Variants in AGO4 observed in about 807,000 individuals in gnomAD.
The protein encoded by AGO4 is protein argonaute-4.
AGO4 carries 33 observed loss-of-function variants against 104.7 expected under a neutral mutation model. The observed-to-expected ratio is 0.32, with a 90% CI of 0.24 to 0.42. The LOEUF is 0.42. AGO4 is among the 10% of genes least tolerant of loss of function. AGO4 has a pLI of 1.00. For synonymous variants in AGO4, 331 were observed against 364.7 expected (o/e 0.91, Z 1.05); for missense variants, 711 against 1,083.4 (o/e 0.66, Z 4.83).
chr1:35,825,213 A>T (rs1643986874), intron 3 of AGO4, 100 bp from the exon 4 acceptor site: 1 of 1,280,664 alleles, frequency 7.8e-7, no homozygotes, highest in South Asian at 1.5e-5. Flanking sequence ...AAAAAGTTAA[A>T]AGAAATATCC....
intron 15 of AGO4, among the ~76,000 whole-genome samples, chr1:35,842,764 T>G (rs1201900719): frequency 6.6e-6 from 1 of 151,956 alleles, no homozygotes; most frequent in Non-Finnish European, 1.5e-5. Flanking sequence ...ATCATACCAC[T>G]GCACTCCAGC....
At chr1:35,822,731 C>A in intron 2 of AGO4, 131 bp from the exon 3 acceptor site, 1 of 1,133,720 alleles carries the variant, frequency 8.8e-7, no homozygotes, top group Non-Finnish European at 1.2e-6. Flanking sequence ...GTACTCGAAT[C>A]AATTGTAACC....
rs909973770 is a variant in AGO4 at position 35,856,482 on chromosome 1, T to G, written c.*2877T>G. 6.6e-6 allele frequency: 1 copy of G among 152,180 alleles called. No homozygotes were observed. The highest frequency in any genetic ancestry group is 1.5e-5 in the Non-Finnish European group (1 of 68,062). The allele number at this position is 152,180 out of a possible 1,614,324, so 9.4% of individuals were successfully genotyped here. On this transcript the variant is annotated 3_prime_UTR_variant, in exon 18 of 18. Coordinates refer to ENST00000373210, the MANE Select transcript of AGO4 (RefSeq NM_017629.4). ...TGCAGCCTGTTGAGGCACTGTCATG[T>G]GGTGTGAAAGATTTAAATGTAGCAA... is the stretch of plus-strand genomic sequence containing the variant.
Position 35,841,503 on chromosome 1 carries a change from C to T in AGO4, c.2040+23C>T. On this transcript the variant is annotated intron_variant, in intron 14 of 17. Coordinates refer to ENST00000373210, the MANE Select transcript of AGO4 (RefSeq NM_017629.4). This position sits in a 1 kb window ranked among gnomAD's most constrained non-coding sequence, Gnocchi z 4.7. ...CAGGTACTCTCATTATCCCTGTTGCCCTTCGGGGCCCCTAGGAGTCTGAGG... is the reference window on the plus strand; with the variant it reads ...CAGGTACTCTCATTATCCCTGTTGCTCTTCGGGGCCCCTAGGAGTCTGAGG... 1.2e-6 allele frequency: 2 copies of T among 1,609,050 alleles called. No homozygotes were observed. The highest frequency in any genetic ancestry group is 1.1e-5 in the South Asian group (1 of 90,858).
At chr1:35,830,574 T>A (rs116218530) in intron 7 of AGO4, among the ~76,000 whole-genome samples, 1,572 of 152,330 alleles carry the variant, frequency 0.01, 22 homozygotes, top group African/African-American at 0.036. Context: ...AATTTTAATT[T>A]AAAAAAATTT....
At chr1:35,831,973 G>T in intron 9 of AGO4, 42 bp downstream of exon 9, 2 of 1,605,530 alleles carry the variant, frequency 1.2e-6, no homozygotes, top group South Asian at 1.1e-5. Context: ...GCTTTGAGAT[G>T]ACAAAAAACA....
chr1:35,843,789 T>C (rs1243462634), intron 15 of AGO4, among the ~76,000 whole-genome samples: 1 of 152,234 alleles, frequency 6.6e-6, no homozygotes, highest in African/African-American at 2.4e-5. Flanking sequence ...TGTCAACTTG[T>C]TATCCATGTA....
At chr1:35,820,905 C>A (rs2148656828) in intron 2 of AGO4, among the ~76,000 whole-genome samples, 1 of 152,172 alleles carries the variant, frequency 6.6e-6, no homozygotes, top group South Asian at 2.1e-4. Flanking sequence ...ATTAAGACAA[C>A]CACTTTTCAA....
At position 35,838,174 on chromosome 1, in the gene AGO4, T is replaced by C. The variant is rs368866509; in HGVS notation, c.1724+2181T>C. ...TTCAAGCGATTCTCCTGCCTCAGCC[T>C]CCCGAGTAGCTGGAATTACAGGCTC... On this transcript the variant is annotated intron_variant, in intron 13 of 17. Transcript: ENST00000373210. Among the ~76,000 whole-genome samples, 20 of 152,256 alleles carry C rather than the reference T, an allele frequency of 1.3e-4. No individual in the cohort carries two copies. In the East Asian group the frequency reaches 1.5e-3, roughly 12 times the overall value.
At chr1:35,831,607 T>C (rs1176671359) in intron 8 of AGO4, 33 bp downstream of exon 8, 2 of 1,605,218 alleles carry the variant, frequency 1.2e-6, no homozygotes, top group Non-Finnish European at 1.7e-6. Flanking sequence ...AATTTGCTGA[T>C]CTCTTGAATG....
rs544060520 is a variant in AGO4 at position 35,844,336 on chromosome 1, A to G, written c.2175+2586A>G. 7.2e-5 allele frequency among the ~76,000 whole-genome samples: 11 copies of G among 152,192 alleles called. No homozygotes were observed. In the South Asian group the frequency reaches 2.3e-3, roughly 32 times the overall value. On this transcript the variant is annotated intron_variant, in intron 15 of 17. Coordinates refer to ENST00000373210, the MANE Select transcript of AGO4 (RefSeq NM_017629.4). Reference sequence around the variant, plus strand: ...TAGGATTACAGGCGTGAGCCACCACACCTGTCCAAAAGTGTCTGTTTAATA... The same window carrying G: ...TAGGATTACAGGCGTGAGCCACCACGCCTGTCCAAAAGTGTCTGTTTAATA...
At chr1:35,811,664 C>T (rs376362898) in intron 1 of AGO4, among the ~76,000 whole-genome samples, 1 of 151,878 alleles carries the variant, frequency 6.6e-6, no homozygotes, top group Non-Finnish European at 1.5e-5. Flanking sequence ...AGTGCAGTGG[C>T]GCCATCTCGG....
chr1:35,837,525 T>C (rs1644342550), intron 13 of AGO4, among the ~76,000 whole-genome samples: 1 of 151,678 alleles, frequency 6.6e-6, no homozygotes, highest in African/African-American at 2.4e-5. Context: ...GACTACAGGC[T>C]CATACCACCA....
At chr1:35,821,734 C>T (rs1643889843) in intron 2 of AGO4, among the ~76,000 whole-genome samples, 2 of 152,126 alleles carry the variant, frequency 1.3e-5, no homozygotes, top group Admixed American at 1.3e-4. Context: ...ATAAGACAAG[C>T]ACTTTGGAAT....
rs1283251201 is a variant in AGO4 at position 35,846,140 on chromosome 1, C to A, written c.2176-4017C>A. On this transcript the variant is annotated intron_variant, in intron 15 of 17. Coordinates refer to ENST00000373210, the MANE Select transcript of AGO4 (RefSeq NM_017629.4). The stretch of plus-strand genomic sequence containing the variant: ...CATTTCAAGCAAAGCATGTCTAAAC[C>A]TTCTATTTATTGTTTTATCCCCATC... Among the ~76,000 whole-genome samples, 7 of 152,130 alleles carry A rather than the reference C, an allele frequency of 4.6e-5. No individual in the cohort carries two copies. The East Asian group carries it at 1.2e-3, about 25-fold the overall frequency.
At chr1:35,837,450 C>G (rs1413378486) in intron 13 of AGO4, among the ~76,000 whole-genome samples, 3 of 151,816 alleles carry the variant, frequency 2.0e-5, no homozygotes, top group Admixed American at 2.0e-4. Context: ...GTGATCATGG[C>G]TCACTGAAGA....
chr1:35,841,789 T>C lies in AGO4; in HGVS notation c.2175+39T>C, dbSNP rs1644449697. On this transcript the variant is annotated intron_variant, in intron 15 of 17. Coordinates refer to ENST00000373210, the MANE Select transcript of AGO4 (RefSeq NM_017629.4). The surrounding 1 kb of genome is among the most constrained non-coding windows in gnomAD (Gnocchi z 4.7). ...ATATAAGCTTTGTTATCTGAGGCTC[T>C]GGCAAGAGATGTATATATGCACATA... 1 of 1,569,530 alleles carries C rather than the reference T, an allele frequency of 6.4e-7. No homozygotes were observed. The highest frequency in any genetic ancestry group is 1.1e-5 in the South Asian group (1 of 88,614).
intron 2 of AGO4, among the ~76,000 whole-genome samples, chr1:35,818,555 C>T (rs947340277): frequency 2.0e-5 from 3 of 151,636 alleles, no homozygotes; most frequent in Non-Finnish European, 2.9e-5. Flanking sequence ...ATCTGGGAGA[C>T]GGAGGTTGCA....
intron 2 of AGO4, among the ~76,000 whole-genome samples, chr1:35,820,421 G>A (rs554099796): frequency 6.6e-6 from 1 of 152,060 alleles, no homozygotes; most frequent in South Asian, 2.1e-4. Flanking sequence ...GCAGTGGTGC[G>A]ATCTTGGCTC....
Sources: allele counts gnomAD v4.1 joint callset (sites outside exome capture counted in the v4.1 genomes callset), GRCh38; gene constraint gnomAD v4.1.1; non-coding constraint Gnocchi (gnomAD v3.1); transcripts MANE v1.5; gene names NCBI Gene and HGNC (gene_info 2026-07-23, HGNC 2026-07-21).